The following CNBD1 variants were observed in gnomAD, a reference collection of about 807,000 sequenced individuals.
CNBD1 encodes the protein cyclic nucleotide binding domain containing 1.
CNBD1 carries 71 observed loss-of-function variants against 54.4 expected under a neutral mutation model. The ratio of observed to expected loss-of-function variants is 1.30; its 90% CI spans 1.08 to 1.59. The LOEUF (loss-of-function observed/expected upper bound fraction) is 1.59, where lower values mean the gene tolerates loss of function less well. CNBD1 is among the 40% of genes most tolerant of loss of function. CNBD1 has a pLI of 0.00. For synonymous variants in CNBD1, 182 were observed against 170.7 expected, an observed-to-expected ratio of 1.07 and a Z score of -0.51; for missense variants, 659 against 518.0, an observed-to-expected ratio of 1.27 and a Z score of -2.64.
At chr8:87,040,994 A>G (rs535049508) in intron 4 of CNBD1, among the ~76,000 whole-genome samples, 1 of 152,176 alleles carries the variant, frequency 6.6e-6, no homozygotes, top group South Asian at 2.1e-4. Flanking sequence ...TTGTTTTTAA[A>G]ATACTTAAAT....
intron 2 of CNBD1, among the ~76,000 whole-genome samples, chr8:87,397,356 C>A (rs1236245757): frequency 1.3e-5 from 2 of 151,798 alleles, no homozygotes; most frequent in Admixed American, 6.6e-5. Flanking sequence ...TTGACCCAGT[C>A]CTGTAATAAG....
At chr8:86,889,943 C>G (rs7829681) in intron 2 of CNBD1, among the ~76,000 whole-genome samples, 71,588 of 151,648 alleles carry the variant, frequency 0.47, 17,071 homozygotes, top group South Asian at 0.55. Flanking sequence ...GTTTTTTTAA[C>G]TATTGTCTGG....
At chr8:86,890,276 C>A (rs1017384124) in intron 2 of CNBD1, among the ~76,000 whole-genome samples, 1 of 152,068 alleles carries the variant, frequency 6.6e-6, no homozygotes, top group Non-Finnish European at 1.5e-5. Flanking sequence ...CTAGTAACCA[C>A]CATTCTACTC....
intron 4 of CNBD1, among the ~76,000 whole-genome samples, chr8:87,092,429 GTA>G (rs1491315079): frequency 2.2e-5 from 3 of 137,060 alleles, no homozygotes; most frequent in Admixed American, 7.0e-5. Flanking sequence ...ATGTATGTAT[GTA>G]TGTGTGTGTG....
At chr8:86,955,510 T>C (rs929060663) in intron 4 of CNBD1, among the ~76,000 whole-genome samples, 5 of 152,226 alleles carry the variant, frequency 3.3e-5, no homozygotes, top group African/African-American at 1.2e-4. Context: ...TCCTGACTTG[T>C]TAATGATTGC....
intron 4 of CNBD1, among the ~76,000 whole-genome samples, chr8:86,953,633 G>A (rs1349469930): frequency 3.3e-5 from 5 of 152,256 alleles, no homozygotes; most frequent in Middle Eastern, 3.4e-3. Context: ...TTGGGAGGCC[G>A]AGGTGGGTGG....
intron 2 of CNBD1, among the ~76,000 whole-genome samples, chr8:87,423,462 T>C (rs542623680): frequency 6.6e-6 from 1 of 151,988 alleles, no homozygotes; most frequent in Non-Finnish European, 1.5e-5. Context: ...CAGTACCTAC[T>C]TTATTGAGAG....
At chr8:87,207,970 T>G (rs2130798887) in intron 5 of CNBD1, among the ~76,000 whole-genome samples, 1 of 152,332 alleles carries the variant, frequency 6.6e-6, no homozygotes, top group East Asian at 1.9e-4. Flanking sequence ...ATATATGACC[T>G]TTGTAGATTT....
At chr8:87,062,423 A>G (rs1810565363) in intron 4 of CNBD1, among the ~76,000 whole-genome samples, 3 of 152,182 alleles carry the variant, frequency 2.0e-5, no homozygotes. Context: ...ATTGCTTACT[A>G]TAAACCATGT....
chr8:86,906,236 T>C (rs1038451522), intron 3 of CNBD1, among the ~76,000 whole-genome samples: 1 of 152,230 alleles, frequency 6.6e-6, no homozygotes, highest in Non-Finnish European at 1.5e-5. Context: ...CTCCAGGGGT[T>C]GGAAGATATC....
chr8:87,199,603 G>A (rs995757715), intron 4 of CNBD1, among the ~76,000 whole-genome samples: 2 of 152,178 alleles, frequency 1.3e-5, no homozygotes, highest in Admixed American at 6.5e-5. Flanking sequence ...ATTGTTAACT[G>A]TAGGCACTAT....
intron 4 of CNBD1, among the ~76,000 whole-genome samples, chr8:87,194,235 T>G (rs1287146467): frequency 1.3e-5 from 2 of 152,176 alleles, no homozygotes; most frequent in Non-Finnish European, 2.9e-5. Context: ...TCTCTTGTTT[T>G]GAAAGAAGAA....
chr8:86,892,548 A>T lies in CNBD1; in HGVS notation c.158+4937A>T, dbSNP rs151181117. On this transcript the variant is annotated intron_variant, in intron 2 of 10. Transcript: ENST00000518476. ...CCCAATTTTCCCTCATTTGCTCAAA[A>T]TATATCTGAAATGTTATGCTTTTAT... Among the ~76,000 whole-genome samples the T allele has an allele frequency of 2.7e-3, 404 of 152,284 alleles. 3 individuals are homozygous for T. The highest frequency in any genetic ancestry group is 9.2e-3 in the African/African-American group (383 of 41,588).
chr8:87,027,776 A>G (rs1258990277), intron 4 of CNBD1, among the ~76,000 whole-genome samples: 1 of 152,260 alleles, frequency 6.6e-6, no homozygotes, highest in Non-Finnish European at 1.5e-5. Context: ...TATTGGGGCC[A>G]AACAGTATCA....
intron 10 of CNBD1, among the ~76,000 whole-genome samples, chr8:87,362,000 G>T (rs1218922833): frequency 6.6e-6 from 1 of 151,944 alleles, no homozygotes; most frequent in Non-Finnish European, 1.5e-5. Context: ...CCACTATCCT[G>T]GCTTCTTTGT....
chr8:87,120,225 G>T (rs1811862597), intron 4 of CNBD1, among the ~76,000 whole-genome samples: 2 of 151,750 alleles, frequency 1.3e-5, no homozygotes, highest in Admixed American at 1.3e-4. Flanking sequence ...TTTTTTGAGA[G>T]ACTGTTACTG....
downstream of CNBD1, among the ~76,000 whole-genome samples, chr8:87,385,828 G>T (rs1228158093): frequency 6.6e-6 from 1 of 152,160 alleles, no homozygotes; most frequent in Non-Finnish European, 1.5e-5. Flanking sequence ...CCTCAAGTGG[G>T]TCCCTGACCC....
chr8:87,191,929 T>A (rs1443005236), intron 4 of CNBD1, among the ~76,000 whole-genome samples: 1 of 152,200 alleles, frequency 6.6e-6, no homozygotes, highest in African/African-American at 2.4e-5. Context: ...GAAATTCAGA[T>A]AGAGATTTTC....
intron 1 of CNBD1, among the ~76,000 whole-genome samples, chr8:86,877,078 A>T (rs965763577): frequency 2.6e-5 from 4 of 152,010 alleles, no homozygotes; most frequent in Non-Finnish European, 5.9e-5. Context: ...TCACATGTTG[A>T]TTTTGTTGCA....
Sources: gnomAD v4.1 joint callset for allele counts (sites outside exome capture counted in the v4.1 genomes callset) on GRCh38, gnomAD v4.1.1 for gene constraint, MANE v1.5 for transcripts, NCBI Gene and HGNC (gene_info 2026-07-23, HGNC 2026-07-21) for gene names.